ONECUT2: variants seen among roughly 807,000 people sequenced by gnomAD.
ONECUT2 encodes one cut domain family member 2.
In ONECUT2, 10 loss-of-function variants were observed where a neutral mutation model predicts 27.9. The ratio of observed to expected loss-of-function variants is 0.36; its 90% confidence interval spans 0.22 to 0.61. The LOEUF (loss-of-function observed/expected upper bound fraction) is 0.61. Ranked by LOEUF, ONECUT2 falls within the 20% of genes least tolerant of loss-of-function variation. The probability of loss-of-function intolerance (pLI) is 0.73; values close to 1 mark genes in which losing one functional copy is unlikely to be tolerated. For synonymous variants in ONECUT2, 334 were observed against 315.1 expected, an observed-to-expected ratio of 1.06 and a Z score of -0.64; for missense variants, 686 against 721.0, an observed-to-expected ratio of 0.95 and a Z score of 0.56.
chr18:57,440,109 C>G (rs2050166174), intron 1 of ONECUT2, among the ~76,000 whole-genome samples: 1 of 152,248 alleles, frequency 6.6e-6, no homozygotes, highest in African/African-American at 2.4e-5. Context: ...ACTCCAAATG[C>G]ACGGATTCGT....
chr18:57,442,487 G>A (rs2050180831), intron 1 of ONECUT2, among the ~76,000 whole-genome samples: 1 of 152,112 alleles, frequency 6.6e-6, no homozygotes, highest in Admixed American at 6.5e-5. Flanking sequence ...CCTTAAAGAA[G>A]GGAGCTTTGG....
chr18:57,457,391 A>G (rs368368385), intron 1 of ONECUT2, among the ~76,000 whole-genome samples: 1 of 152,114 alleles, frequency 6.6e-6, no homozygotes. Context: ...CAAGTTCTCA[A>G]GGCAGATTTT....
In ONECUT2 at chr18:57,485,116, A is replaced by G. The variant is rs1568127461; in HGVS notation, c.*8393A>G. On this transcript the variant is annotated 3_prime_UTR_variant, in exon 2 of 2. Coordinates refer to ENST00000491143, the MANE Select transcript of ONECUT2 (RefSeq NM_004852.3). ...ACCTTTCCATTACAAAGCATTGTAT[A>G]GATAACTTTTTAATTCAGTAGGAGG... is the stretch of plus-strand genomic sequence containing the variant. The G allele has an allele frequency of 6.6e-6, 1 of 152,194 alleles. No individual in the cohort carries two copies. The highest frequency in any genetic ancestry group is 2.1e-4 in the South Asian group (1 of 4,826). The allele number at this position is 152,194 out of a possible 1,614,324, so 9.4% of individuals were successfully genotyped here. A position where few individuals can be genotyped will look rare whatever the true frequency, so the allele number is the denominator to read the frequency against.
intron 1 of ONECUT2, among the ~76,000 whole-genome samples, chr18:57,462,150 C>T (rs925578058): frequency 2.0e-5 from 3 of 152,154 alleles, no homozygotes; most frequent in Non-Finnish European, 4.4e-5. Flanking sequence ...ATTTGCAATT[C>T]CTGGATTACT....
In ONECUT2 at chr18:57,446,037, C is replaced by T. The variant is rs143820561; in HGVS notation, c.1228+9093C>T. Among the ~76,000 whole-genome samples the T allele has an allele frequency of 6.1e-3, 934 of 152,304 alleles. 9 individuals carry two copies. Among genetic ancestry groups the T allele is most frequent in the African/African-American group, 0.02 (811 of 41,562 alleles). ...GCTCCCTGCAAAGTGCCATTAACCC[C>T]GGCCCAACTGCTTGTGTGCTGCAAA... On this transcript the variant is annotated intron_variant, in intron 1 of 1. Coordinates refer to ENST00000491143, the MANE Select transcript of ONECUT2 (RefSeq NM_004852.3).
chr18:57,444,476 C>G (rs2050191392), intron 1 of ONECUT2: 1 of 455,532 alleles, frequency 2.2e-6, no homozygotes, highest in Non-Finnish European at 4.4e-6. Context: ...CCATTGGCAG[C>G]TTGCTTCCCA....
At chr18:57,463,827 C>T (rs1016997471) in intron 1 of ONECUT2, among the ~76,000 whole-genome samples, 1 of 152,132 alleles carries the variant, frequency 6.6e-6, no homozygotes, top group African/African-American at 2.4e-5. Context: ...ACTAAATTCT[C>T]ATACTAATTC....
rs1381055631 is a variant in ONECUT2, at chr18:57,490,355, A to T, written c.*13632A>T. 1 of 152,200 alleles carries T rather than the reference A, an allele frequency of 6.6e-6. No homozygotes were observed. The highest frequency in any genetic ancestry group is 2.4e-5 in the African/African-American group (1 of 41,448). 9.4% of individuals were successfully genotyped at this position (152,200 alleles called of 1,614,324 possible). ...TTAGACCCTGGCCTCAGATGTGTTTATTCTTGCTATTTAAAAATACCTTTA... is the reference window on the plus strand; with the variant it reads ...TTAGACCCTGGCCTCAGATGTGTTTTTTCTTGCTATTTAAAAATACCTTTA... On this transcript the variant is annotated 3_prime_UTR_variant, in exon 2 of 2. Transcript: ENST00000491143.
At chr18:57,440,505 C>G (rs1296716394) in intron 1 of ONECUT2, among the ~76,000 whole-genome samples, 1 of 152,266 alleles carries the variant, frequency 6.6e-6, no homozygotes, top group East Asian at 1.9e-4. Flanking sequence ...TCTCCAGTCC[C>G]CGCCGTAGTC....
At position 57,490,876 on chromosome 18, in the gene ONECUT2, C is replaced by T. The variant is rs1334605225; in HGVS notation, c.*14153C>T. 1.3e-5 allele frequency: 2 copies of T among 152,656 alleles called. No individual in the cohort carries two copies. The highest frequency in any genetic ancestry group is 2.9e-5 in the Non-Finnish European group (2 of 68,034). The allele number at this position is 152,656 out of a possible 1,614,324, so 9.5% of individuals were successfully genotyped here. A position where few individuals can be genotyped will look rare whatever the true frequency, so the allele number is the denominator to read the frequency against. On this transcript the variant is annotated 3_prime_UTR_variant, in exon 2 of 2. Coordinates refer to ENST00000491143, the MANE Select transcript of ONECUT2 (RefSeq NM_004852.3). ...ACACCCCTAAAATTTGCACTCTCTT[C>T]CGTTTTGAAAAAGAAAACCCACACA...
Position 57,436,100 on chromosome 18 carries a change from C to G in ONECUT2, c.384C>G (p.His128Gln), listed in dbSNP as rs1384113793. 1 of 1,600,254 alleles carries G rather than the reference C, an allele frequency of 6.2e-7. No individual in the cohort carries two copies. Among genetic ancestry groups the G allele is most frequent in the Non-Finnish European group, 8.5e-7 (1 of 1,179,788 alleles). The change falls in exon 1 of 2, where the codon CAC becomes CAG. Residue 128 changes from histidine (H) to glutamine (Q), a missense_variant. Physicochemically the swap from His to Gln is conservative, Grantham distance 24. Coordinates refer to ENST00000491143, the MANE Select transcript of ONECUT2 (RefSeq NM_004852.3). The surrounding 1 kb of genome is among the most constrained non-coding windows in gnomAD (Gnocchi z 5.9). ...DYRPELSIPL[H>Q]HAMSMSCDSS... ...GGCCCGAGCTCTCCATCCCGCTGCA[C>G]CACGCCATGAGCATGTCCTGCGACT...
At chr18:57,446,921 G>A (rs1333491669) in intron 1 of ONECUT2, among the ~76,000 whole-genome samples, 1 of 152,198 alleles carries the variant, frequency 6.6e-6, no homozygotes, top group Non-Finnish European at 1.5e-5. Flanking sequence ...TCCGTTGATT[G>A]TGCCAGTGAG....
Position 57,480,731 on chromosome 18 carries a change from T to G in ONECUT2, c.*4008T>G, listed in dbSNP as rs1449613695. 2.0e-5 allele frequency: 3 copies of G among 152,294 alleles called. No individual in the cohort carries two copies. Among genetic ancestry groups the G allele is most frequent in the African/African-American group, 7.2e-5 (3 of 41,560 alleles). The allele number at this position is 152,294 out of a possible 1,614,324, so 9.4% of individuals were successfully genotyped here. On this transcript the variant is annotated 3_prime_UTR_variant, in exon 2 of 2. Transcript: ENST00000491143. ...GTATCTATACAGTTATGTATCAAAA[T>G]TTTAAGCCCTGCAGAATTTCAATTT...
At chr18:57,442,006 G>C (rs2050177391) in intron 1 of ONECUT2, among the ~76,000 whole-genome samples, 1 of 151,980 alleles carries the variant, frequency 6.6e-6, no homozygotes, top group Non-Finnish European at 1.5e-5. Context: ...CCGAGGCCCG[G>C]GTCACTGGCC....
intron 1 of ONECUT2, among the ~76,000 whole-genome samples, chr18:57,452,275 C>T (rs2050234687): frequency 6.6e-6 from 1 of 152,140 alleles, no homozygotes; most frequent in Admixed American, 6.5e-5. Flanking sequence ...TCCCTTTAGC[C>T]CCACCACAAT....
intron 1 of ONECUT2, among the ~76,000 whole-genome samples, chr18:57,439,222 C>T (rs1269725264): frequency 1.3e-5 from 2 of 152,214 alleles, no homozygotes; most frequent in African/African-American, 4.8e-5. Flanking sequence ...CGTGGCATCC[C>T]GGGGGTCCTC....
Position 57,490,136 on chromosome 18 carries a change from TC to T in ONECUT2, c.*13414del, listed in dbSNP as rs1324391098. ...AGGGAAAGAGCTGGTCCATTTTTTTTCATTCTTTCTATTCAAATTTTTCCAC... is the reference window on the plus strand; with the variant it reads ...AGGGAAAGAGCTGGTCCATTTTTTTTATTCTTTCTATTCAAATTTTTCCAC... On this transcript the variant is annotated 3_prime_UTR_variant, in exon 2 of 2. Transcript: ENST00000491143. 6.6e-6 allele frequency: 1 copy of T among 152,170 alleles called. No homozygotes were observed. The highest frequency in any genetic ancestry group is 1.5e-5 in the Non-Finnish European group (1 of 68,044). 9.4% of individuals were successfully genotyped at this position (152,170 alleles called of 1,614,324 possible).
At chr18:57,471,360 C>A (rs2050352631) in intron 1 of ONECUT2, among the ~76,000 whole-genome samples, 1 of 152,142 alleles carries the variant, frequency 6.6e-6, no homozygotes, top group Non-Finnish European at 1.5e-5. Flanking sequence ...ATGGGGAAGG[C>A]ATGGAGAAAG....
At chr18:57,463,716 T>C (rs561981400) in intron 1 of ONECUT2, among the ~76,000 whole-genome samples, 2 of 152,216 alleles carry the variant, frequency 1.3e-5, no homozygotes, top group Non-Finnish European at 2.9e-5. Flanking sequence ...ACACTCTTGA[T>C]GTTTTGATCC....
Sources: allele counts gnomAD v4.1 joint callset (sites outside exome capture counted in the v4.1 genomes callset), GRCh38; gene constraint gnomAD v4.1.1; non-coding constraint Gnocchi (gnomAD v3.1); transcripts MANE v1.5; gene names NCBI Gene and HGNC (gene_info 2026-07-23, HGNC 2026-07-21).